ATP1B3: variants seen among roughly 807,000 people sequenced by gnomAD.
The protein encoded by ATP1B3 is ATPase Na+/K+ transporting subunit beta 3.
Under a neutral mutation model 30.2 loss-of-function variants are expected in ATP1B3, and 10 were observed. The ratio of observed to expected loss-of-function variants is 0.33; its 90% CI spans 0.20 to 0.56. The LOEUF is 0.56. ATP1B3 is among the 20% of genes least tolerant of loss of function. The pLI is 0.90. For missense variants in ATP1B3, 238 were observed against 336.7 expected, an observed-to-expected ratio of 0.71 and a Z score of 2.29; for synonymous variants, 113 against 117.0, an observed-to-expected ratio of 0.97 and a Z score of 0.22.
rs1934652440 is a variant in ATP1B3, at chr3:141,925,972, TC to T, written c.*273del. On this transcript the variant is annotated 3_prime_UTR_variant, in exon 7 of 7. Transcript: ENST00000286371. ...CCAAACATGTAGGATGGGGGTCTTG[TC>T]CTCTTTTTATGTGGTTTAATTGCCA... is the stretch of plus-strand genomic sequence containing the variant. 2.8e-6 allele frequency: 1 copy of T among 359,758 alleles called. No individual in the cohort carries two copies. The highest frequency in any genetic ancestry group is 5.0e-6 in the Non-Finnish European group (1 of 199,908). 22.3% of individuals were successfully genotyped at this position (359,758 alleles called of 1,614,324 possible). A position where few individuals can be genotyped will look rare whatever the true frequency, so the allele number is the denominator to read the frequency against.
At chr3:141,910,251 C>T (rs996016249) in intron 3 of ATP1B3, among the ~76,000 whole-genome samples, 5 of 152,130 alleles carry the variant, frequency 3.3e-5, no homozygotes, top group African/African-American at 9.7e-5. Flanking sequence ...GGATTACAGG[C>T]GTGAGTTACA....
chr3:141,876,801 C>T lies in ATP1B3; in HGVS notation c.-1C>T, dbSNP rs754161136. ...CTCCTCTCGCCGTCCGCGCGCACAC[C>T]ATGACGAAGAACGAGAAGAAGTCCC... On this transcript the variant is annotated 5_prime_UTR_variant, in exon 1 of 7. Transcript: ENST00000286371. 3 of 1,589,456 alleles carry T rather than the reference C, an allele frequency of 1.9e-6. No individual in the cohort carries two copies. The highest frequency in any genetic ancestry group is 2.6e-6 in the Non-Finnish European group (3 of 1,167,240).
At chr3:141,909,411 A>G (rs1661042911) in intron 3 of ATP1B3, among the ~76,000 whole-genome samples, 1 of 152,224 alleles carries the variant, frequency 6.6e-6, no homozygotes, top group African/African-American at 2.4e-5. Flanking sequence ...AGAAGATAGT[A>G]CATCCTGAGG....
intron 1 of ATP1B3, among the ~76,000 whole-genome samples, chr3:141,887,181 C>G (rs1453949004): frequency 6.6e-6 from 1 of 152,152 alleles, no homozygotes. Flanking sequence ...ATTACTGTAG[C>G]TTGAAATTGG....
intron 6 of ATP1B3, among the ~76,000 whole-genome samples, 191 bp from the exon 7 acceptor site, chr3:141,925,340 A>G (rs1269465207): frequency 2.6e-5 from 4 of 152,028 alleles, no homozygotes; most frequent in Non-Finnish European, 4.4e-5. Context: ...GCATGTGCCT[A>G]TAGTCCCAGC....
intron 5 of ATP1B3, among the ~76,000 whole-genome samples, chr3:141,919,463 A>G (rs538438585): frequency 9.5e-4 from 144 of 152,248 alleles, no homozygotes; most frequent in African/African-American, 3.3e-3. Flanking sequence ...CCTGCAAAAG[A>G]TGTAATTTTC....
intron 1 of ATP1B3, among the ~76,000 whole-genome samples, chr3:141,884,966 T>C (rs2107764091): frequency 6.6e-6 from 1 of 152,326 alleles, no homozygotes; most frequent in African/African-American, 2.4e-5. Context: ...CCCTGTTTAT[T>C]GTCAGTTGCT....
chr3:141,911,991 AAC>A (rs1256912451), intron 3 of ATP1B3, among the ~76,000 whole-genome samples: 1 of 152,196 alleles, frequency 6.6e-6, no homozygotes, highest in Non-Finnish European at 1.5e-5. Context: ...GACCTATACC[AAC>A]AGAGTCTATG....
chr3:141,919,757 G>A (rs1005826525), intron 5 of ATP1B3, among the ~76,000 whole-genome samples: 3 of 152,024 alleles, frequency 2.0e-5, no homozygotes, highest in African/African-American at 7.2e-5. Flanking sequence ...TGGCTAACAT[G>A]GTGAAACCCC....
intron 1 of ATP1B3, among the ~76,000 whole-genome samples, chr3:141,883,606 A>G (rs565911127): frequency 6.6e-6 from 1 of 152,316 alleles, no homozygotes; most frequent in South Asian, 2.1e-4. Context: ...CCTATTTACT[A>G]GACTATAATC....
intron 1 of ATP1B3, among the ~76,000 whole-genome samples, chr3:141,885,880 A>AAC (rs146684460): frequency 0.18 from 26,145 of 141,504 alleles, 2,420 homozygotes; most frequent in Non-Finnish European, 0.22. Flanking sequence ...GCTGCGTTAA[A>AAC]ACACACACAC....
chr3:141,879,299 T>G (rs1933670058), intron 1 of ATP1B3, among the ~76,000 whole-genome samples: 1 of 152,142 alleles, frequency 6.6e-6, no homozygotes, highest in South Asian at 2.1e-4. Flanking sequence ...TTCCTTGGTA[T>G]ATATTTATAC....
intron 3 of ATP1B3, 86 bp downstream of exon 3, chr3:141,907,360 C>T: frequency 1.0e-6 from 1 of 986,950 alleles, no homozygotes; most frequent in Non-Finnish European, 1.5e-6. Context: ...TAGCTCACGC[C>T]TGTAATCCCA....
intron 1 of ATP1B3, among the ~76,000 whole-genome samples, chr3:141,900,758 A>G (rs1934147085): frequency 6.6e-6 from 1 of 151,978 alleles, no homozygotes; most frequent in Non-Finnish European, 1.5e-5. Flanking sequence ...AAGTCTTGCC[A>G]GGTTTCTTGC....
intron 1 of ATP1B3, among the ~76,000 whole-genome samples, chr3:141,883,451 G>A (rs1020864449): frequency 6.6e-6 from 1 of 152,244 alleles, no homozygotes; most frequent in African/African-American, 2.4e-5. Flanking sequence ...CCAGGAGGTC[G>A]AGGCTACAAT....
At chr3:141,901,470 C>CAAGA (rs1934162661) in intron 1 of ATP1B3, among the ~76,000 whole-genome samples, 1 of 152,136 alleles carries the variant, frequency 6.6e-6, no homozygotes, top group Non-Finnish European at 1.5e-5. Flanking sequence ...AGATTTGGTT[C>CAAGA]TTGGCAGAAG....
intron 4 of ATP1B3, 113 bp downstream of exon 4, chr3:141,913,949 A>T: frequency 9.8e-7 from 1 of 1,017,584 alleles, no homozygotes; most frequent in East Asian, 2.6e-5. Flanking sequence ...AAAAGTTATC[A>T]TTTGGGGGGT....
At chr3:141,877,275 G>C (rs1933623208) in intron 1 of ATP1B3, among the ~76,000 whole-genome samples, 1 of 136,944 alleles carries the variant, frequency 7.3e-6, no homozygotes, top group East Asian at 2.0e-4. Context: ...GAGCCCCCGG[G>C]CCTCCTTTGT....
chr3:141,916,845 T>C (rs1456494771), intron 5 of ATP1B3, among the ~76,000 whole-genome samples: 2 of 151,978 alleles, frequency 1.3e-5, no homozygotes, highest in East Asian at 3.9e-4. Context: ...AGGTCTGAGA[T>C]AGGGTCCAAA....
Sources: allele counts gnomAD v4.1 joint callset (sites outside exome capture counted in the v4.1 genomes callset), GRCh38; gene constraint gnomAD v4.1.1; transcripts MANE v1.5; gene names NCBI Gene and HGNC (gene_info 2026-07-23, HGNC 2026-07-21).